The following DOCK4 variants were observed in gnomAD, a reference collection of about 807,000 sequenced individuals.
DOCK4 encodes the protein dedicator of cytokinesis 4.
DOCK4 carries 97 observed loss-of-function variants against 268.1 expected under a neutral mutation model. The ratio of observed to expected loss-of-function variants is 0.36; its 90% CI spans 0.31 to 0.43. The LOEUF (loss-of-function observed/expected upper bound fraction) is 0.43. Among genes scored for constraint, DOCK4 ranks in the 20% least tolerant of loss-of-function variants. The pLI, the probability that DOCK4 is intolerant of heterozygous loss-of-function variation, is 1.00. For missense variants in DOCK4, 2,145 were observed against 2,455.7 expected (o/e 0.87, Z 2.67); for synonymous variants, 954 against 887.2 (o/e 1.08, Z -1.34).
intron 15 of DOCK4, among the ~76,000 whole-genome samples, chr7:111,898,256 C>T (rs1790827724): frequency 6.6e-6 from 1 of 152,210 alleles, no homozygotes; most frequent in Non-Finnish European, 1.5e-5. Flanking sequence ...AACCTCAAGC[C>T]TTTTGTACTG....
intron 12 of DOCK4, among the ~76,000 whole-genome samples, chr7:111,918,063 G>A (rs963364662): frequency 6.6e-6 from 1 of 151,984 alleles, no homozygotes; most frequent in African/African-American, 2.4e-5. Flanking sequence ...TAAAATATCA[G>A]GAAAATTTGT....
chr7:111,875,590 T>C (rs58781745), intron 17 of DOCK4, among the ~76,000 whole-genome samples: 3,922 of 152,300 alleles, frequency 0.026, 150 homozygotes, highest in African/African-American at 0.089. Flanking sequence ...TCCAGCTCAA[T>C]GTAATCACAA....
At chr7:111,934,649 C>G (rs528808977) in intron 12 of DOCK4, among the ~76,000 whole-genome samples, 1 of 150,642 alleles carries the variant, frequency 6.6e-6, no homozygotes, top group Non-Finnish European at 1.5e-5. Flanking sequence ...CCTGCCTCAG[C>G]CTCCGGAGTA....
At chr7:112,036,691 C>G (rs1455571406) in intron 1 of DOCK4, among the ~76,000 whole-genome samples, 1 of 144,550 alleles carries the variant, frequency 6.9e-6, no homozygotes, top group Non-Finnish European at 1.5e-5. Flanking sequence ...GACGGAGTCT[C>G]GCTCCATCGC....
chr7:111,896,752 A>C (rs1808792558), intron 15 of DOCK4, among the ~76,000 whole-genome samples: 1 of 152,146 alleles, frequency 6.6e-6, no homozygotes, highest in African/African-American at 2.4e-5. Context: ...ACAGCATTTA[A>C]TTGCTCCAGG....
chr7:112,156,284 A>G (rs1260389015), intron 1 of DOCK4, among the ~76,000 whole-genome samples: 2 of 152,240 alleles, frequency 1.3e-5, no homozygotes, highest in Admixed American at 1.3e-4. Flanking sequence ...TTCTCAGTCT[A>G]AAAGAACTAC....
At chr7:111,915,470 T>C (rs528633615) in intron 13 of DOCK4, among the ~76,000 whole-genome samples, 13 of 152,248 alleles carry the variant, frequency 8.5e-5, no homozygotes, top group African/African-American at 2.6e-4. Context: ...TTTTCCTCCT[T>C]CTCCTGGTCA....
chr7:112,088,457 A>G (rs1809323585), intron 1 of DOCK4, among the ~76,000 whole-genome samples: 1 of 152,178 alleles, frequency 6.6e-6, no homozygotes, highest in South Asian at 2.1e-4. Flanking sequence ...TTGCACACAT[A>G]TATACATACA....
chr7:112,140,635 A>AGAAAAAAT (rs1213373113), intron 1 of DOCK4, among the ~76,000 whole-genome samples: 2 of 151,660 alleles, frequency 1.3e-5, no homozygotes, highest in Non-Finnish European at 2.9e-5. Context: ...AATACACATA[A>AGAAAAAAT]GAAAAAATAA....
chr7:111,806,592 T>G (rs766654433), intron 30 of DOCK4, among the ~76,000 whole-genome samples: 8 of 152,194 alleles, frequency 5.3e-5, no homozygotes, highest in African/African-American at 9.6e-5. Context: ...GTCTTAGGAT[T>G]GTGCTAGAGC....
intron 1 of DOCK4, among the ~76,000 whole-genome samples, chr7:112,092,069 C>T (rs557237105): frequency 4.8e-4 from 73 of 152,052 alleles, no homozygotes; most frequent in Non-Finnish European, 6.2e-4. Flanking sequence ...GTTAACAAAC[C>T]CAGGACCACT....
intron 16 of DOCK4, among the ~76,000 whole-genome samples, chr7:111,883,419 C>T (rs1368035622): frequency 6.6e-6 from 1 of 152,186 alleles, no homozygotes; most frequent in Non-Finnish European, 1.5e-5. Context: ...GACACTCTGT[C>T]CTGCTATTTC....
intron 8 of DOCK4, among the ~76,000 whole-genome samples, chr7:111,954,599 A>C (rs1481432924): frequency 6.6e-6 from 1 of 152,208 alleles, no homozygotes; most frequent in Non-Finnish European, 1.5e-5. Flanking sequence ...TAGCAGAAGC[A>C]GGAAGAGAGG....
At chr7:111,840,421 C>T (rs1803589649) in intron 25 of DOCK4, among the ~76,000 whole-genome samples, 1 of 152,112 alleles carries the variant, frequency 6.6e-6, no homozygotes, top group South Asian at 2.1e-4. Flanking sequence ...AACTCTGGAG[C>T]TCCATTAGTC....
intron 1 of DOCK4, among the ~76,000 whole-genome samples, chr7:112,104,704 A>T (rs888575262): frequency 6.6e-6 from 1 of 152,240 alleles, no homozygotes; most frequent in African/African-American, 2.4e-5. Context: ...TGTGCTAAGA[A>T]ATATAGAAAG....
At position 111,767,227 on chromosome 7, in the gene DOCK4, C is replaced by CTTTTT. The variant is rs372483378; in HGVS notation, c.3829-114_3829-110dup. On this transcript the variant is annotated intron_variant, in intron 37 of 52. Transcript: ENST00000428084. Reference sequence around the variant, plus strand: ...AGAGCACCAAGCCTTACTCCTTAATCTTTTTTTTTTTTTTTTTTGAGATGG... The same window carrying CTTTTT: ...AGAGCACCAAGCCTTACTCCTTAATCTTTTTTTTTTTTTTTTTTTTTTTGAGATGG... The CTTTTT allele has an allele frequency of 3.9e-4, 182 of 465,556 alleles. 1 individual carries two copies. Among genetic ancestry groups the CTTTTT allele is most frequent in the African/African-American group, 2.5e-3 (99 of 38,968 alleles). 28.8% of individuals were successfully genotyped at this position (465,556 alleles called of 1,614,324 possible).
In DOCK4 at chr7:111,990,499, G is replaced by A. The variant is rs111738886; in HGVS notation, c.316-1336C>T. Among the ~76,000 whole-genome samples the A allele has an allele frequency of 3.0e-4, 46 of 152,234 alleles. 2 individuals carry two copies. Among genetic ancestry groups the A allele is most frequent in the African/African-American group, 9.4e-4 (39 of 41,536 alleles). ...ATGGGTAAAGACATTCTGTCATCAC[G>A]TATTTTTTATTTTAAAAAGTAGTGA... On this transcript the variant is annotated intron_variant, in intron 5 of 52. Coordinates refer to ENST00000428084, the MANE Select transcript of DOCK4 (RefSeq NM_001363540.2).
intron 1 of DOCK4, among the ~76,000 whole-genome samples, chr7:112,156,219 T>C (rs1295092521): frequency 1.3e-5 from 2 of 152,182 alleles, no homozygotes; most frequent in Non-Finnish European, 2.9e-5. Flanking sequence ...CCTCACACTG[T>C]GTCCAGCACA....
chr7:111,790,356 C>T, intron 31 of DOCK4, 101 bp downstream of exon 31: 1 of 1,419,996 alleles, frequency 7.0e-7, no homozygotes, highest in Non-Finnish European at 9.6e-7. Context: ...GGTCTGCTGA[C>T]CCAGTGTTCA....
Sources: gnomAD v4.1 joint callset for allele counts (sites outside exome capture counted in the v4.1 genomes callset) on GRCh38, gnomAD v4.1.1 for gene constraint, MANE v1.5 for transcripts, NCBI Gene and HGNC (gene_info 2026-07-23, HGNC 2026-07-21) for gene names.